Variants in FLII observed in about 807,000 individuals in gnomAD.
FLII encodes the protein protein flightless-1 homolog.
FLII carries 101 observed loss-of-function variants against 156.2 expected under a neutral mutation model. That is an observed-to-expected ratio of 0.65 (90% confidence interval 0.55 to 0.76). FLII has a LOEUF of 0.76. FLII is among the 30% of genes least tolerant of loss of function. FLII has a pLI of 0.00. For missense variants in FLII, 1,675 were observed against 1,682.8 expected (o/e 1.00, Z 0.08); for synonymous variants, 767 against 685.8 (o/e 1.12, Z -1.85).
rs1480949500 is a variant in FLII at position 18,249,193 on chromosome 17, C to T, written c.1868G>A (p.Arg623His). Residue 623 changes from arginine (R) to histidine (H), a missense_variant, in exon 16 of 30, where the codon CGT becomes CAT. Coordinates refer to ENST00000327031, the MANE Select transcript of FLII (RefSeq NM_002018.4). The stretch of plus-strand genomic sequence containing the variant: ...CTTGATGTTCTTTTTCCCATACACA[C>T]GATACATCCTGGGCGCAGGGCAAGA... ...EDTHYVTRMY[R>H]VYGKKNIKLE... 17 of 1,614,048 alleles carry T rather than the reference C, an allele frequency of 1.1e-5. No homozygotes were observed. The highest frequency in any genetic ancestry group is 2.7e-5 in the African/African-American group (2 of 74,932).
chr17:18,255,639 G>A (rs916274490), intron 3 of FLII, among the ~76,000 whole-genome samples: 1 of 152,102 alleles, frequency 6.6e-6, no homozygotes, highest in Non-Finnish European at 1.5e-5. Flanking sequence ...GGATGGAGAG[G>A]AAGTCTGCTT....
In FLII at chr17:18,251,722, C is replaced by T. The variant is rs1567713285; in HGVS notation, c.1341G>A (p.Lys447=). ...TCTCCTGGGCAACATCTGACATGCC[C>T]TTCAGCACCTGCTTGGCCTGGTCAT... ...AQDDQAKQVL[K]GMSDVAQEKN... The change falls in exon 12 of 30, where the codon AAG becomes AAA. Residue 447 remains lysine (K), a synonymous_variant. Coordinates refer to ENST00000327031, the MANE Select transcript of FLII (RefSeq NM_002018.4). 6.2e-7 allele frequency: 1 copy of T among 1,614,076 alleles called. No homozygotes were observed. Among genetic ancestry groups the T allele is most frequent in the South Asian group, 1.1e-5 (1 of 91,092 alleles).
chr17:18,253,801 T>C (rs2048338522), intron 7 of FLII, 82 bp from the exon 8 acceptor site: 2 of 1,343,980 alleles, frequency 1.5e-6, no homozygotes, highest in African/African-American at 2.9e-5. Context: ...ACCCCAGCTC[T>C]GCCACCTCTG....
Position 18,256,607 on chromosome 17 carries a change from A to G in FLII, c.175-10T>C, listed in dbSNP as rs1299583966. ...TCACAGACAAGTGTTCCTGGGCCGGAATGGGGAGCACAGGCTCAGCAGGGT... is the reference window on the plus strand; with the variant it reads ...TCACAGACAAGTGTTCCTGGGCCGGGATGGGGAGCACAGGCTCAGCAGGGT... On this transcript the variant is annotated splice_polypyrimidine_tract_variant and intron_variant, in intron 2 of 29. Coordinates refer to ENST00000327031, the MANE Select transcript of FLII (RefSeq NM_002018.4). 2 of 1,551,178 alleles carry G rather than the reference A, an allele frequency of 1.3e-6. No homozygotes were observed. The highest frequency in any genetic ancestry group is 3.9e-5 in the Admixed American group (2 of 51,004).
chr17:18,249,273 C>T (rs1479470921), intron 15 of FLII, 53 bp downstream of exon 15: 1 of 1,610,498 alleles, frequency 6.2e-7, no homozygotes, highest in Admixed American at 1.7e-5. Flanking sequence ...CTCCCCTCCA[C>T]CCCTTGCCAG....
rs1469781736 is a variant in FLII, at chr17:18,244,955, T to C, written c.*183A>G. The stretch of plus-strand genomic sequence containing the variant: ...CACTCACACTGTGGAGAGAGTTGGA[T>C]TTCCCAGACCCCTGAGGGCACCTGT... On this transcript the variant is annotated 3_prime_UTR_variant, in exon 30 of 30. Coordinates refer to ENST00000327031, the MANE Select transcript of FLII (RefSeq NM_002018.4). The C allele has an allele frequency of 1.0e-5, 7 of 672,200 alleles. No homozygotes were observed. Among genetic ancestry groups the C allele is most frequent in the African/African-American group, 3.6e-5 (2 of 56,130 alleles). 41.6% of individuals were successfully genotyped at this position (672,200 alleles called of 1,614,324 possible).
intron 4 of FLII, 35 bp from the exon 5 acceptor site, chr17:18,254,889 T>A: frequency 6.3e-7 from 1 of 1,593,484 alleles, no homozygotes; most frequent in Non-Finnish European, 8.6e-7. Context: ...GTCAGGGGAG[T>A]CTCCTCCCCA....
chr17:18,247,968 C>CT lies in FLII; in HGVS notation c.2255dup (p.Gln753AlafsTer124). 1 of 1,614,188 alleles carries CT rather than the reference C, an allele frequency of 6.2e-7. No individual in the cohort carries two copies. Among genetic ancestry groups the CT allele is most frequent in the Non-Finnish European group, 8.5e-7 (1 of 1,180,016 alleles). On this transcript the variant is annotated frameshift_variant, in exon 19 of 30. Transcript: ENST00000327031. LOFTEE classifies it high-confidence loss of function. ...GCATCAGCTCCACCTTGGGACGCTG[C>CT]TTATGTTCCACGGAGAGCTTGTAGT...
At chr17:18,256,168 T>A (rs2048409575) in intron 3 of FLII, among the ~76,000 whole-genome samples, 1 of 152,204 alleles carries the variant, frequency 6.6e-6, no homozygotes, top group Admixed American at 6.5e-5. Flanking sequence ...TGGCCAAGTT[T>A]CTCTTCTGCA....
At chr17:18,252,425 C>T (rs555352758) in intron 10 of FLII, 47 bp downstream of exon 10, 81 of 1,568,408 alleles carry the variant, frequency 5.2e-5, no homozygotes, top group South Asian at 2.8e-4. Context: ...CCAGGGCACA[C>T]CCCTTGCTTG....
At chr17:18,247,497 T>C (rs1156925016) in intron 20 of FLII, 140 bp from the exon 21 acceptor site, 1 of 1,051,140 alleles carries the variant, frequency 9.5e-7, no homozygotes, top group Admixed American at 2.6e-5. Flanking sequence ...GAGGTAGGAA[T>C]AGGAGGGGCA....
intron 21 of FLII, 48 bp from the exon 22 acceptor site, chr17:18,247,100 C>T (rs751746721): frequency 1.6e-5 from 26 of 1,586,340 alleles, no homozygotes; most frequent in South Asian, 1.1e-4. Context: ...GCGCGCTCTG[C>T]GCATAGGCCC....
At chr17:18,254,294 A>C in intron 6 of FLII, 112 bp from the exon 7 acceptor site, 4 of 916,798 alleles carry the variant, frequency 4.4e-6, no homozygotes, top group South Asian at 1.7e-5. Context: ...GTGTGAGGTC[A>C]CATCTGGTTG....
chr17:18,247,130 A>ACCCC, intron 21 of FLII, 39 bp downstream of exon 21: 5 of 956,712 alleles, frequency 5.2e-6, no homozygotes, highest in African/African-American at 2.8e-5. Context: ...CCTGCCCCCC[A>ACCCC]CCCCCCCCCC....
rs746919042 is a variant in FLII at position 18,253,527 on chromosome 17, G to C, written c.855+17C>G. Reference sequence around the variant, plus strand: ...ACGGCCTTCCTCCCATCCCCCTACTGAGGGCCTCAGACGCACGGGCAGTGA... The same window carrying C: ...ACGGCCTTCCTCCCATCCCCCTACTCAGGGCCTCAGACGCACGGGCAGTGA... On this transcript the variant is annotated intron_variant, in intron 8 of 29. Coordinates refer to ENST00000327031, the MANE Select transcript of FLII (RefSeq NM_002018.4). The C allele has an allele frequency of 5.6e-6, 9 of 1,613,136 alleles. No homozygotes were observed. The highest frequency in any genetic ancestry group is 7.6e-6 in the Non-Finnish European group (9 of 1,179,286).
rs775299530 is a variant in FLII, at chr17:18,251,663, A to G, written c.1383+17T>C. ...AGCTAAGGCTCCCTGCCTTGTCCCAACCCTGGCCTGGCTCACCTCCTGCTT... is the reference window on the plus strand; with the variant it reads ...AGCTAAGGCTCCCTGCCTTGTCCCAGCCCTGGCCTGGCTCACCTCCTGCTT... On this transcript the variant is annotated intron_variant, in intron 12 of 29. Transcript: ENST00000327031. 2 of 1,613,722 alleles carry G rather than the reference A, an allele frequency of 1.2e-6. No homozygotes were observed. The highest frequency in any genetic ancestry group is 8.5e-7 in the Non-Finnish European group (1 of 1,179,966).
intron 1 of FLII, chr17:18,257,279 C>T: frequency 2.1e-6 from 1 of 465,412 alleles, no homozygotes; most frequent in South Asian, 3.1e-5. Flanking sequence ...ACAAAACTGG[C>T]TTGTTTCAGG....
At position 18,246,998 on chromosome 17, in the gene FLII, C is replaced by T; in HGVS notation, c.2731G>A (p.Val911Met). The stretch of plus-strand genomic sequence containing the variant: ...CGCGCAAACTTCTTGCCCTCCAGCA[C>T]GAAACCCTCCATGCCGTCTAGGTCT... ...NEDLDGMEGFVLEGKKFARLP... is the reference protein window; with the variant it reads ...NEDLDGMEGFMLEGKKFARLP... Residue 911 changes from valine to methionine, a missense_variant, in exon 22 of 30, where the codon GTG (valine) becomes ATG (methionine). This residue lies in a region of FLII where 1,332 missense variants were observed against 1,269.3 expected (regional missense o/e 1.05). Coordinates refer to ENST00000327031, the MANE Select transcript of FLII (RefSeq NM_002018.4). The T allele has an allele frequency of 6.2e-7, 1 of 1,614,086 alleles. No individual in the cohort carries two copies. Among genetic ancestry groups the T allele is most frequent in the Non-Finnish European group, 8.5e-7 (1 of 1,180,024 alleles).
chr17:18,254,083 G>A lies in FLII; in HGVS notation c.675C>T (p.Leu225=), dbSNP rs897696746. 7 of 1,606,962 alleles carry A rather than the reference G, an allele frequency of 4.4e-6. No homozygotes were observed. The Admixed American group carries it at 8.4e-5, about 19-fold the overall frequency. The change falls in exon 7 of 30, where the codon CTC becomes CTT. Residue 225 remains leucine (L), a synonymous_variant. Transcript: ENST00000327031. The part of the protein sequence containing the change: ...LPTSLEGLSN[L]ADVDLSCNDL... ...GGGCTCCTGGGGCTGCCTGACCTGC[G>A]AGGTTGCTCAGACCCTCCAGGCTGG...
Sources: gnomAD v4.1 joint callset for allele counts (sites outside exome capture counted in the v4.1 genomes callset) on GRCh38, gnomAD v4.1.1 for gene constraint, gnomAD v4.1.1 regional missense constraint, MANE v1.5 for transcripts, NCBI Gene and HGNC (gene_info 2026-07-23, HGNC 2026-07-21) for gene names.